Variants in KCNQ4 observed in about 807,000 individuals in gnomAD.
KCNQ4 encodes the protein potassium voltage-gated channel subfamily KQT member 4.
In KCNQ4, 31 loss-of-function variants were observed where a neutral mutation model predicts 72.6. The ratio of observed to expected loss-of-function variants is 0.43; its 90% confidence interval spans 0.32 to 0.58. KCNQ4 has a LOEUF of 0.58. Among genes scored for constraint, KCNQ4 ranks in the 20% least tolerant of loss-of-function variants. The pLI is 0.08. For missense variants in KCNQ4, 869 were observed against 962.6 expected (o/e 0.90, Z 1.29); for synonymous variants, 405 against 403.7 (o/e 1.00, Z -0.04).
At position 40,837,809 on chromosome 1, in the gene KCNQ4, G is replaced by C; in HGVS notation, c.1875+15G>C. On this transcript the variant is annotated intron_variant, in intron 13 of 13. Transcript: ENST00000347132. Reference sequence around the variant, plus strand: ...TGGAGAAGCAGGTGAGTGTAGGATGGGGTGGCGGAGCTGGCCATACCAAGA... The same window carrying C: ...TGGAGAAGCAGGTGAGTGTAGGATGCGGTGGCGGAGCTGGCCATACCAAGA... 1 of 1,600,724 alleles carries C rather than the reference G, an allele frequency of 6.2e-7. No homozygotes were observed. Among genetic ancestry groups the C allele is most frequent in the South Asian group, 1.1e-5 (1 of 88,664 alleles).
At chr1:40,818,837 C>A (rs2361658) in intron 4 of KCNQ4, 157 bp downstream of exon 4, 4 of 789,700 alleles carry the variant, frequency 5.1e-6, no homozygotes, top group Non-Finnish European at 4.2e-6. Flanking sequence ...GAGGTCTAAG[C>A]GGGTGGGGCG....
intron 9 of KCNQ4, among the ~76,000 whole-genome samples, chr1:40,830,350 C>T (rs1298659692): frequency 6.6e-6 from 1 of 152,206 alleles, no homozygotes; most frequent in East Asian, 1.9e-4. Context: ...ACCTCCAGGG[C>T]ACCACTGCAT....
Position 40,824,150 on chromosome 1 carries a change from G to A in KCNQ4, c.1184G>A (p.Arg395Gln), listed in dbSNP as rs773034045. The A allele has an allele frequency of 4.5e-6, 7 of 1,567,104 alleles. No homozygotes were observed. The highest frequency in any genetic ancestry group is 2.4e-5 in the East Asian group (1 of 41,982). ...HVQRARNGGL[R>Q]PLEVRRAPVP... is the part of the protein sequence containing the mutation. ...CAACGGGCCCGCAATGGGGGCCTACGGCCCCTGGAGGTGCGGCGGGCGCCG... is the reference window on the plus strand; with the variant it reads ...CAACGGGCCCGCAATGGGGGCCTACAGCCCCTGGAGGTGCGGCGGGCGCCG... Residue 395 changes from arginine to glutamine, a missense_variant, in exon 9 of 14, where the codon CGG becomes CAG. Arg to Gln is a conservative substitution (Grantham distance 43). Coordinates refer to ENST00000347132, the MANE Select transcript of KCNQ4 (RefSeq NM_004700.4).
At chr1:40,791,918 G>A (rs758327795) in intron 1 of KCNQ4, among the ~76,000 whole-genome samples, 16 of 152,092 alleles carry the variant, frequency 1.1e-4, no homozygotes, top group Non-Finnish European at 1.9e-4. Context: ...CTGTCTAGCC[G>A]GGCTGGACAA....
chr1:40,803,865 C>G (rs1454463394), intron 1 of KCNQ4, among the ~76,000 whole-genome samples: 1 of 152,192 alleles, frequency 6.6e-6, no homozygotes, highest in Non-Finnish European at 1.5e-5. Context: ...AAACCACCCA[C>G]TGGGTGGGGT....
intron 12 of KCNQ4, among the ~76,000 whole-genome samples, chr1:40,836,445 G>T (rs1648808520): frequency 1.3e-5 from 2 of 152,062 alleles, no homozygotes; most frequent in African/African-American, 2.4e-5. Flanking sequence ...GTGTTGATCT[G>T]GCAGTTGAAT....
chr1:40,784,478 GCC>G lies in KCNQ4; in HGVS notation c.314+73_314+74del. ...TGGCCTCCCGGGGCACGGCCGCCCC[GCC>G]CTGGCTCCGCCTTCTACCCCCCTGC... On this transcript the variant is annotated intron_variant, in intron 1 of 13. Transcript: ENST00000347132. This position sits in a 1 kb window ranked among gnomAD's most constrained non-coding sequence, Gnocchi z 4.1. 6.8e-7 allele frequency: 1 copy of G among 1,479,510 alleles called. No individual in the cohort carries two copies. Among genetic ancestry groups the G allele is most frequent in the African/African-American group, 1.4e-5 (1 of 72,266 alleles). 91.6% of individuals were successfully genotyped at this position (1,479,510 alleles called of 1,614,324 possible).
intron 6 of KCNQ4, 31 bp from the exon 7 acceptor site, chr1:40,820,134 A>T: frequency 6.3e-7 from 1 of 1,585,388 alleles, no homozygotes; most frequent in Non-Finnish European, 8.6e-7. Flanking sequence ...CACTGCCAGC[A>T]CATTCCCCCA....
intron 1 of KCNQ4, among the ~76,000 whole-genome samples, chr1:40,805,740 G>A (rs1302306763): frequency 6.6e-6 from 1 of 152,212 alleles, no homozygotes; most frequent in Non-Finnish European, 1.5e-5. Context: ...GGCCTGGTGG[G>A]TGGGGCTTTC....
chr1:40,798,058 T>A (rs1647466665), intron 1 of KCNQ4, among the ~76,000 whole-genome samples: 3 of 151,916 alleles, frequency 2.0e-5, no homozygotes, highest in Admixed American at 6.6e-5. Context: ...AGGGGCAGAG[T>A]CCTGGCAGTT....
intron 5 of KCNQ4, 98 bp from the exon 6 acceptor site, chr1:40,819,777 C>T (rs1648228230): frequency 9.6e-7 from 1 of 1,038,156 alleles, no homozygotes; most frequent in South Asian, 1.3e-5. Flanking sequence ...GACCAGGGGC[C>T]CCTTCCCTCA....
chr1:40,791,817 G>C (rs1240438733), intron 1 of KCNQ4, among the ~76,000 whole-genome samples: 1 of 152,188 alleles, frequency 6.6e-6, no homozygotes, highest in Non-Finnish European at 1.5e-5. Context: ...TCAAAGCAGA[G>C]GAGATGGAGG....
At chr1:40,791,000 C>T (rs545200296) in intron 1 of KCNQ4, among the ~76,000 whole-genome samples, 21 of 152,196 alleles carry the variant, frequency 1.4e-4, no homozygotes, top group African/African-American at 4.8e-4. Flanking sequence ...CTGGCCTGGC[C>T]CCCGAGAGAT....
Position 40,794,130 on chromosome 1 carries a change from T to C in KCNQ4, c.314+9723T>C, listed in dbSNP as rs2148298064. Among the ~76,000 whole-genome samples the C allele has an allele frequency of 6.6e-6, 1 of 152,192 alleles. No homozygotes were observed. Among genetic ancestry groups the C allele is most frequent in the African/African-American group, 2.4e-5 (1 of 41,524 alleles). On this transcript the variant is annotated intron_variant, in intron 1 of 13. Transcript: ENST00000347132. The surrounding 1 kb of genome is among the most constrained non-coding windows in gnomAD (Gnocchi z 4.2). The stretch of plus-strand genomic sequence containing the variant: ...AGCACTGAGCTGTGGGTGTTCATGA[T>C]TTTTATCCCGAGTGAGCTCCAGGTG...
chr1:40,837,676 T>C lies in KCNQ4; in HGVS notation c.1757T>C (p.Ile586Thr). 6.2e-7 allele frequency: 1 copy of C among 1,612,956 alleles called. No individual in the cohort carries two copies. Among genetic ancestry groups the C allele is most frequent in the Non-Finnish European group, 8.5e-7 (1 of 1,179,664 alleles). The change falls in exon 13 of 14, where the codon ATT becomes ACT. Residue 586 changes from isoleucine to threonine, a missense_variant. Around this residue, in one of 5 missense-constraint regions of KCNQ4, gnomAD observed 480 missense variants for 501.9 expected, o/e 0.96. Coordinates refer to ENST00000347132, the MANE Select transcript of KCNQ4 (RefSeq NM_004700.4). ...TCCCTTACCCTTAGGGTGGACCAAA[T>C]TGTGGGTCGGGGGCCCGGGGACAGG... is the stretch of plus-strand genomic sequence containing the variant. ...IKSLQTRVDQ[I>T]VGRGPGDRKA...
rs926185579 is a variant in KCNQ4, at chr1:40,820,408, C to T, written c.1041+148C>T. ...TATGTGACTTTCCTGGAGCCACATG[C>T]CAAGTCACACACAGAGCCAGGATGC... On this transcript the variant is annotated intron_variant, in intron 7 of 13. Transcript: ENST00000347132. The T allele has an allele frequency of 8.1e-6, 6 of 738,538 alleles. No individual in the cohort carries two copies. The African/African-American group carries it at 8.7e-5, about 11-fold the overall frequency. The allele number at this position is 738,538 out of a possible 1,614,324, so 45.7% of individuals were successfully genotyped here. A position where few individuals can be genotyped will look rare whatever the true frequency, so the allele number is the denominator to read the frequency against.
chr1:40,787,697 C>T (rs1161644451), intron 1 of KCNQ4, among the ~76,000 whole-genome samples: 3 of 134,466 alleles, frequency 2.2e-5, no homozygotes, highest in African/African-American at 5.7e-5. Context: ...CAAGCTGCAT[C>T]CCCCTCCTAT....
intron 1 of KCNQ4, among the ~76,000 whole-genome samples, chr1:40,793,433 T>C (rs1461873287): frequency 1.3e-5 from 2 of 152,112 alleles, no homozygotes; most frequent in African/African-American, 4.8e-5. Context: ...TCACAGTACA[T>C]AGTTTCAGGG....
intron 1 of KCNQ4, among the ~76,000 whole-genome samples, chr1:40,812,046 C>T (rs1408703947): frequency 1.3e-5 from 2 of 152,164 alleles, no homozygotes; most frequent in African/African-American, 4.8e-5. Context: ...TACCCCTGAC[C>T]TCCAGATACT....
Sources: gnomAD v4.1 joint callset for allele counts (sites outside exome capture counted in the v4.1 genomes callset) on GRCh38, gnomAD v4.1.1 for gene constraint, gnomAD v4.1.1 regional missense constraint, Gnocchi (gnomAD v3.1) non-coding constraint, MANE v1.5 for transcripts, NCBI Gene and HGNC (gene_info 2026-07-23, HGNC 2026-07-21) for gene names.